The following NBPF19 variants were observed in gnomAD, a reference collection of about 807,000 sequenced individuals.
The protein encoded by NBPF19 is NBPF member 19.
Under a neutral mutation model 45.9 loss-of-function variants are expected in NBPF19, and 30 were observed. That is an observed-to-expected ratio of 0.65 (90% CI 0.49 to 0.89). NBPF19 has a LOEUF of 0.89. NBPF19 is among the 40% of genes least tolerant of loss of function. The probability of loss-of-function intolerance (pLI) is 0.00; values close to 1 mark genes in which losing one functional copy is unlikely to be tolerated. For synonymous variants in NBPF19, 183 were observed against 181.2 expected (o/e 1.01, Z -0.08); for missense variants, 495 against 471.8 (o/e 1.05, Z -0.46).
rs1334734655 is a variant in NBPF19 at position 149,488,074 on chromosome 1, T to A, written c.1102T>A (p.Cys368Ser). 1.5e-6 allele frequency: 1 copy of A among 671,428 alleles called. No homozygotes were observed. The highest frequency in any genetic ancestry group is 2.7e-6 in the Non-Finnish European group (1 of 369,756). The allele number at this position is 671,428 out of a possible 1,614,324, so 41.6% of individuals were successfully genotyped here. The change falls in exon 10 of 94, where the codon TGT (cysteine) becomes AGT (serine). Residue 368 changes from cysteine (C) to serine (S), a missense_variant. Physicochemically the swap from Cys to Ser is moderately radical, Grantham distance 112. Coordinates refer to ENST00000651566, the MANE Select transcript of NBPF19 (RefSeq NM_001351365.2). ...PEVLQDSLDR[C>S]YSTPSGCLEL... ...AGTCTTGCAGGACTCACTGGATAGA[T>A]GTTATTCAACTCCTTCAGGTTGTCT...
Position 149,554,727 on chromosome 1 carries a change from T to C in NBPF19, c.11521T>C (p.Phe3841Leu), listed in dbSNP as rs2087203815. The C allele has an allele frequency of 1.2e-6, 2 of 1,608,128 alleles. No homozygotes were observed. The highest frequency in any genetic ancestry group is 1.7e-6 in the Non-Finnish European group (2 of 1,176,700). ...TCTGGTGTTCCAGATGTTAGTCATA[T>C]TCCCACAATAGGCAGCCCTTACTAA... ...LHLVFQMLVIFPQ is the reference protein window; with the variant it reads ...LHLVFQMLVILPQ Residue 3841 changes from phenylalanine to leucine, a missense_variant, in exon 94 of 94, where the codon TTC (phenylalanine) becomes CTC (leucine). Coordinates refer to ENST00000651566, the MANE Select transcript of NBPF19 (RefSeq NM_001351365.2).
chr1:149,486,700 C>T (rs1302135435), intron 8 of NBPF19, among the ~76,000 whole-genome samples: 1 of 151,250 alleles, frequency 6.6e-6, no homozygotes, highest in African/African-American at 2.4e-5. Context: ...TCTTTACCTG[C>T]CCAAGGCCAG....
chr1:149,475,586 A>C lies in NBPF19; in HGVS notation c.-245A>C, dbSNP rs1225864224. The C allele has an allele frequency of 6.2e-6, 4 of 647,216 alleles. No individual in the cohort carries two copies. Among genetic ancestry groups the C allele is most frequent in the Non-Finnish European group, 1.0e-5 (4 of 381,318 alleles). 40.1% of individuals were successfully genotyped at this position (647,216 alleles called of 1,614,324 possible). A position where few individuals can be genotyped will look rare whatever the true frequency, so the allele number is the denominator to read the frequency against. On this transcript the variant is annotated 5_prime_UTR_variant, in exon 1 of 94. Transcript: ENST00000651566. The stretch of plus-strand genomic sequence containing the variant: ...CAAAGCCTGGGCAATTGGAATGCAG[A>C]GCTCCTAAGATTCCATGACACCCCC...
chr1:149,487,537 A>T (rs2085622845), intron 9 of NBPF19, among the ~76,000 whole-genome samples, 154 bp downstream of exon 9: 1 of 151,086 alleles, frequency 6.6e-6, no homozygotes, highest in African/African-American at 2.4e-5. Context: ...CATTAGAGTA[A>T]ATGTTTAGGT....
intron 13 of NBPF19, among the ~76,000 whole-genome samples, chr1:149,490,938 G>GTA (rs1426133769): frequency 7.3e-6 from 1 of 136,066 alleles, no homozygotes; most frequent in Non-Finnish European, 1.5e-5. Flanking sequence ...GTGTGTGTGT[G>GTA]TGTGTGTCCA....
intron 7 of NBPF19, 129 bp from the exon 8 acceptor site, chr1:149,486,001 T>A (rs2085486888): frequency 2.8e-5 from 5 of 175,948 alleles, no homozygotes; most frequent in Non-Finnish European, 5.0e-5. Context: ...TTTATTTCTC[T>A]TGAAGGAAAA....
intron 2 of NBPF19, among the ~76,000 whole-genome samples, chr1:149,477,644 G>A (rs2084921702): frequency 6.6e-6 from 1 of 151,262 alleles, no homozygotes; most frequent in Non-Finnish European, 1.5e-5. Context: ...TGGGAAAGTG[G>A]CCCCGCATTC....
chr1:149,554,663 G>C lies in NBPF19; in HGVS notation c.11457G>C (p.Leu3819Phe). 6.2e-7 allele frequency: 1 copy of C among 1,608,242 alleles called. No individual in the cohort carries two copies. Among genetic ancestry groups the C allele is most frequent in the Non-Finnish European group, 8.5e-7 (1 of 1,176,724 alleles). ...EEEHISFALY[L>F]DNRFFTLTVT... The stretch of plus-strand genomic sequence containing the variant: ...AGCATATCAGCTTCGCCCTTTACTT[G>C]GACAATAGGTTTTTTACTTTGACGG... Residue 3819 changes from leucine to phenylalanine, a missense_variant, in exon 94 of 94, where the codon TTG becomes TTC. Physicochemically the swap from Leu to Phe is conservative, Grantham distance 22. Coordinates refer to ENST00000651566, the MANE Select transcript of NBPF19 (RefSeq NM_001351365.2).
Position 149,555,647 on chromosome 1 carries a change from G to A in NBPF19, c.*909G>A, listed in dbSNP as rs879021186. On this transcript the variant is annotated 3_prime_UTR_variant, in exon 94 of 94. Coordinates refer to ENST00000651566, the MANE Select transcript of NBPF19 (RefSeq NM_001351365.2). Reference sequence around the variant, plus strand: ...GGTTCAAAAAAAGTAAAAAGATAATGTAGCTGCATTTCTTTAGTTATTTTG... The same window carrying A: ...GGTTCAAAAAAAGTAAAAAGATAATATAGCTGCATTTCTTTAGTTATTTTG... 1 of 149,932 alleles carries A rather than the reference G, an allele frequency of 6.7e-6. No individual in the cohort carries two copies. The highest frequency in any genetic ancestry group is 1.5e-5 in the Non-Finnish European group (1 of 67,130). The allele number at this position is 149,932 out of a possible 1,614,324, so 9.3% of individuals were successfully genotyped here.
intron 8 of NBPF19, 143 bp downstream of exon 8, chr1:149,486,436 C>G (rs1296142521): frequency 1.5e-6 from 1 of 688,074 alleles, no homozygotes; most frequent in Non-Finnish European, 2.6e-6. Context: ...ATTTCAGTCA[C>G]TCTGGAGTCA....
At chr1:149,478,163 C>T in intron 3 of NBPF19, 116 bp downstream of exon 3, 2 of 802,326 alleles carry the variant, frequency 2.5e-6, no homozygotes, top group East Asian at 2.4e-5. Context: ...CAGAAATTGC[C>T]ATGACAGGCT....
chr1:149,493,877 C>G (rs2085961993), intron 17 of NBPF19, among the ~76,000 whole-genome samples, 166 bp downstream of exon 17: 1 of 42,500 alleles, frequency 2.4e-5, no homozygotes, highest in Non-Finnish European at 4.1e-5. Context: ...GTTTCCATTT[C>G]TTCCTCCCCT....
chr1:149,487,842 T>A (rs1418437693), intron 9 of NBPF19, among the ~76,000 whole-genome samples, 171 bp from the exon 10 acceptor site: 1 of 148,048 alleles, frequency 6.8e-6, no homozygotes, highest in Non-Finnish European at 1.5e-5. Context: ...GTTCATCCTT[T>A]TCTACCTGGC....
At chr1:149,528,956 T>TGTGTGTGC (rs1334464832) in intron 61 of NBPF19, among the ~76,000 whole-genome samples, 19 of 131,208 alleles carry the variant, frequency 1.4e-4, no homozygotes, top group African/African-American at 5.5e-4. Context: ...TGTGTGTGTG[T>TGTGTGTGC]GTGTGTGTGT....
At chr1:149,488,427 G>A (rs1256295641) in intron 10 of NBPF19, among the ~76,000 whole-genome samples, 1 of 140,606 alleles carries the variant, frequency 7.1e-6, no homozygotes, top group African/African-American at 2.7e-5. Context: ...CTACTCTCAT[G>A]ACGTTGGACC....
At chr1:149,487,838 C>G (rs1404987195) in intron 9 of NBPF19, among the ~76,000 whole-genome samples, 175 bp from the exon 10 acceptor site, 4,316 of 142,268 alleles carry the variant, frequency 0.03, 254 homozygotes, top group East Asian at 0.24. Flanking sequence ...TCTCGTTCAT[C>G]CTTTTCTACC....
Position 149,480,361 on chromosome 1 carries a change from G to A in NBPF19, c.566+147G>A, listed in dbSNP as rs1225435196. On this transcript the variant is annotated intron_variant, in intron 5 of 93. Coordinates refer to ENST00000651566, the MANE Select transcript of NBPF19 (RefSeq NM_001351365.2). ...AAATATAATCCAGCTTAGACACAGG[G>A]TGCGGTAGCTGTCATGTTTCTCTAT... 9.6e-5 allele frequency: 84 copies of A among 877,576 alleles called. 1 individual carries two copies. The African/African-American group carries it at 1.1e-3, about 11-fold the overall frequency. 54.4% of individuals were successfully genotyped at this position (877,576 alleles called of 1,614,324 possible). A position where few individuals can be genotyped will look rare whatever the true frequency, so the allele number is the denominator to read the frequency against.
intron 2 of NBPF19, among the ~76,000 whole-genome samples, chr1:149,476,989 T>G (rs2084876484): frequency 1.3e-5 from 2 of 150,320 alleles, no homozygotes; most frequent in South Asian, 2.1e-4. Flanking sequence ...AAGCAGAGAG[T>G]ACCTTGGTGA....
At position 149,486,300 on chromosome 1, in the gene NBPF19, A is replaced by G. The variant is rs2101599008; in HGVS notation, c.988+7A>G. ...ATGGCTGTTGACATAGGCAGTGAGT[A>G]CTCCATTGTGAAGGTGATAAAGCTC... On this transcript the variant is annotated splice_region_variant and intron_variant, in intron 8 of 93. Coordinates refer to ENST00000651566, the MANE Select transcript of NBPF19 (RefSeq NM_001351365.2). The G allele has an allele frequency of 1.9e-5, 11 of 594,186 alleles. 1 individual carries two copies. In the East Asian group the frequency reaches 3.1e-4, roughly 17 times the overall value. 36.8% of individuals were successfully genotyped at this position (594,186 alleles called of 1,614,324 possible).
Sources: allele counts gnomAD v4.1 joint callset (sites outside exome capture counted in the v4.1 genomes callset), GRCh38; gene constraint gnomAD v4.1.1; transcripts MANE v1.5; gene names NCBI Gene and HGNC (gene_info 2026-07-23, HGNC 2026-07-21).